PDE11A: variants seen among roughly 807,000 people sequenced by gnomAD.
The protein encoded by PDE11A is dual 3',5'-cyclic-AMP and -GMP phosphodiesterase 11A.
A neutral mutation model predicts 100.5 loss-of-function variants in PDE11A; 100 were observed. The observed-to-expected ratio is 1.00, with a 90% CI of 0.85 to 1.18. The LOEUF (loss-of-function observed/expected upper bound fraction) is 1.18, where lower values mean the gene tolerates loss of function less well. PDE11A is among the 50% of genes most tolerant of loss of function. The pLI is 0.00. For synonymous variants in PDE11A, 381 were observed against 420.8 expected, an observed-to-expected ratio of 0.91 and a Z score of 1.16; for missense variants, 1,141 against 1,152.6, an observed-to-expected ratio of 0.99 and a Z score of 0.15.
upstream of PDE11A, among the ~76,000 whole-genome samples, chr2:178,074,237 T>C (rs1306625945): frequency 6.6e-6 from 1 of 151,992 alleles, no homozygotes; most frequent in Admixed American, 6.5e-5. Context: ...GACGCTAATG[T>C]GTATGAGTTT....
At chr2:177,926,602 T>C (rs151000267) in intron 2 of PDE11A, among the ~76,000 whole-genome samples, 27 of 150,958 alleles carry the variant, frequency 1.8e-4, no homozygotes, top group African/African-American at 6.6e-4. Context: ...ATTTTAAGGT[T>C]TGAAAGGTTT....
upstream of PDE11A, among the ~76,000 whole-genome samples, chr2:178,076,994 C>CTA (rs2087215297): frequency 4.2e-3 from 1 of 236 alleles, no homozygotes; most frequent in Non-Finnish European, 7.4e-3. Context: ...GCAGGATAAC[C>CTA]TGCTTCCTTA....
At chr2:177,652,727 G>A (rs1339797321) in intron 19 of PDE11A, among the ~76,000 whole-genome samples, 2 of 152,160 alleles carry the variant, frequency 1.3e-5, no homozygotes, top group East Asian at 3.8e-4. Context: ...TGATGGCACA[G>A]CTAGAAACTA....
At position 177,789,497 on chromosome 2, in the gene PDE11A, G is replaced by T. The variant is rs544076691; in HGVS notation, c.1738-20124C>A. The stretch of plus-strand genomic sequence containing the variant: ...CTGGCACAAGACAGGGATGCCCTCT[G>T]TCACCACTCCTATTCAACATAGTGT... On this transcript the variant is annotated intron_variant, in intron 9 of 19. Coordinates refer to ENST00000286063, the MANE Select transcript of PDE11A (RefSeq NM_016953.4). 2.0e-5 allele frequency among the ~76,000 whole-genome samples: 3 copies of T among 151,408 alleles called. No individual in the cohort carries two copies. In the South Asian group the frequency reaches 6.3e-4, roughly 32 times the overall value.
At chr2:177,994,289 A>G (rs1016729942) in intron 2 of PDE11A, among the ~76,000 whole-genome samples, 1 of 152,130 alleles carries the variant, frequency 6.6e-6, no homozygotes, top group African/African-American at 2.4e-5. Flanking sequence ...CTTCTAAGAG[A>G]GTAAACATAA....
intron 1 of PDE11A, among the ~76,000 whole-genome samples, chr2:178,036,026 C>T (rs543783261): frequency 6.6e-6 from 1 of 152,226 alleles, no homozygotes; most frequent in South Asian, 2.1e-4. Context: ...CTGGCCAGGG[C>T]AATCAGGCAA....
chr2:178,018,363 A>T, intron 1 of PDE11A: 1 of 22,760 alleles, frequency 4.4e-5, no homozygotes, highest in African/African-American at 1.1e-4. Flanking sequence ...CTGCCAAGGC[A>T]GGCCTTTTGG....
chr2:177,919,945 T>C (rs368615144), intron 2 of PDE11A, among the ~76,000 whole-genome samples: 1 of 151,968 alleles, frequency 6.6e-6, no homozygotes, highest in Non-Finnish European at 1.5e-5. Flanking sequence ...GGAACAGAAG[T>C]CCAGAACAAA....
chr2:177,954,787 A>G (rs183341178), intron 2 of PDE11A, among the ~76,000 whole-genome samples: 3 of 152,176 alleles, frequency 2.0e-5, no homozygotes, highest in African/African-American at 7.2e-5. Flanking sequence ...CCTGGTCTCC[A>G]CCCCCAGGGG....
rs200802791 is a variant in PDE11A, at chr2:177,657,067, T to TA, written c.2646+6798dup. Among the ~76,000 whole-genome samples the TA allele has an allele frequency of 7.2e-3, 1,099 of 152,238 alleles. 8 individuals carry two copies. The highest frequency in any genetic ancestry group is 0.022 in the African/African-American group (896 of 41,552). ...GAGATGCTGTGATCAGATTTCTTTTTAAAAAAACATCATTTTGTCAAAAAT... is the reference window on the plus strand; with the variant it reads ...GAGATGCTGTGATCAGATTTCTTTTTAAAAAAAACATCATTTTGTCAAAAAT... On this transcript the variant is annotated intron_variant, in intron 19 of 19. Coordinates refer to ENST00000286063, the MANE Select transcript of PDE11A (RefSeq NM_016953.4).
chr2:177,680,477 C>T (rs2080846617), intron 16 of PDE11A, among the ~76,000 whole-genome samples: 1 of 152,152 alleles, frequency 6.6e-6, no homozygotes, highest in Non-Finnish European at 1.5e-5. Flanking sequence ...CTCCCCACTT[C>T]CTTTGTGCTA....
At chr2:178,030,098 A>G (rs2086525802) in intron 1 of PDE11A, among the ~76,000 whole-genome samples, 2 of 152,208 alleles carry the variant, frequency 1.3e-5, no homozygotes, top group African/African-American at 2.4e-5. Context: ...TGACTAAGAC[A>G]AAAATTAACA....
rs572543817 is a variant in PDE11A at position 177,840,362 on chromosome 2, T to C, written c.1389A>G (p.Lys463=). ...TTATTAGCCAGTCGGAGTATGATGA[T>C]TTCTCCATGCTTTCTTTGAAACTAT... ...AENSFKESME[K]SSYSDWLINN... is the part of the protein sequence containing the mutation. The change falls in exon 6 of 20, where the codon AAA becomes AAG. Residue 463 remains lysine (K), a synonymous_variant. Coordinates refer to ENST00000286063, the MANE Select transcript of PDE11A (RefSeq NM_016953.4). 4 of 1,613,830 alleles carry C rather than the reference T, an allele frequency of 2.5e-6. No homozygotes were observed. The highest frequency in any genetic ancestry group is 1.3e-5 in the African/African-American group (1 of 75,044).
chr2:178,000,501 C>T (rs2086131126), intron 2 of PDE11A, among the ~76,000 whole-genome samples: 1 of 152,106 alleles, frequency 6.6e-6, no homozygotes, highest in African/African-American at 2.4e-5. Context: ...CTTTTTAAAG[C>T]AAGAAAAATG....
chr2:177,838,051 A>G (rs1574197773), intron 6 of PDE11A, among the ~76,000 whole-genome samples: 1 of 152,294 alleles, frequency 6.6e-6, no homozygotes, highest in East Asian at 1.9e-4. Context: ...GGCACACATG[A>G]GAGGCCCTAA....
chr2:177,876,321 C>G (rs1415974375), intron 4 of PDE11A, among the ~76,000 whole-genome samples: 1 of 149,542 alleles, frequency 6.7e-6, no homozygotes, highest in Non-Finnish European at 1.5e-5. Flanking sequence ...CCTCTGTCAA[C>G]CCCAGGCTCC....
At chr2:178,075,093 AT>A (rs2087190085), upstream of PDE11A, among the ~76,000 whole-genome samples, 1 of 152,196 alleles carries the variant, frequency 6.6e-6, no homozygotes, top group South Asian at 2.1e-4. Context: ...CAAAGGTGGA[AT>A]ATAGGTAAAT....
intron 2 of PDE11A, among the ~76,000 whole-genome samples, chr2:177,939,421 A>G (rs1483714690): frequency 7.1e-6 from 1 of 141,068 alleles, no homozygotes; most frequent in Non-Finnish European, 1.6e-5. Flanking sequence ...GGAAGGAAGA[A>G]GGAAGGGAGG....
intron 10 of PDE11A, among the ~76,000 whole-genome samples, chr2:177,734,145 C>G (rs980137397): frequency 1.3e-5 from 2 of 152,148 alleles, no homozygotes; most frequent in Admixed American, 1.3e-4. Flanking sequence ...TTATAAGCAA[C>G]CTGGACCTAT....
Sources: allele counts gnomAD v4.1 joint callset (sites outside exome capture counted in the v4.1 genomes callset), GRCh38; gene constraint gnomAD v4.1.1; transcripts MANE v1.5; gene names NCBI Gene and HGNC (gene_info 2026-07-23, HGNC 2026-07-21).